NXPH1: variants seen among roughly 807,000 people sequenced by gnomAD.
NXPH1 encodes the protein neurexophilin-1.
A neutral mutation model predicts 23.7 loss-of-function variants in NXPH1; 5 were observed. That is an observed-to-expected ratio of 0.21 (90% CI 0.11 to 0.44). The LOEUF is 0.44. Ranked by LOEUF, NXPH1 falls within the 20% of genes least tolerant of loss-of-function variation. The pLI, the probability that NXPH1 is intolerant of heterozygous loss-of-function variation, is 0.99. For missense variants in NXPH1, 324 were observed against 321.6 expected (o/e 1.01, Z -0.06); for synonymous variants, 144 against 122.2 (o/e 1.18, Z -1.18).
chr7:8,453,346 C>G (rs1418470399), intron 2 of NXPH1, among the ~76,000 whole-genome samples: 3 of 152,164 alleles, frequency 2.0e-5, no homozygotes, highest in African/African-American at 7.2e-5. Flanking sequence ...AGACAAAAAA[C>G]CCACCCAAAC....
Position 8,751,998 on chromosome 7 carries a change from A to G in NXPH1, c.*229A>G. The G allele has an allele frequency of 2.0e-6, 1 of 503,944 alleles. No individual in the cohort carries two copies. The allele number at this position is 503,944 out of a possible 1,614,324, so 31.2% of individuals were successfully genotyped here. A position where few individuals can be genotyped will look rare whatever the true frequency, so the allele number is the denominator to read the frequency against. On this transcript the variant is annotated 3_prime_UTR_variant, in exon 3 of 3. Transcript: ENST00000405863. This position sits in a 1 kb window ranked among gnomAD's most constrained non-coding sequence, Gnocchi z 4.5. ...ATCACAGATTTTGAATTCACACCTG[A>G]AGACATGCTCTCACATATAGAGGTA... is the stretch of plus-strand genomic sequence containing the variant.
chr7:8,486,481 A>C (rs1488947647), intron 2 of NXPH1, among the ~76,000 whole-genome samples: 1 of 152,186 alleles, frequency 6.6e-6, no homozygotes, highest in Admixed American at 6.5e-5. Flanking sequence ...CTCAAAGGAT[A>C]CATTCTTCTT....
At chr7:8,524,372 T>C (rs898013881) in intron 2 of NXPH1, among the ~76,000 whole-genome samples, 1 of 152,072 alleles carries the variant, frequency 6.6e-6, no homozygotes, top group Non-Finnish European at 1.5e-5. Flanking sequence ...CCCCTTGAGA[T>C]GCTATGCTCT....
intron 2 of NXPH1, among the ~76,000 whole-genome samples, chr7:8,684,381 G>C (rs902918040): frequency 6.6e-6 from 1 of 152,142 alleles, no homozygotes; most frequent in Non-Finnish European, 1.5e-5. Flanking sequence ...GATGTGAAAG[G>C]TTAGGTTCAC....
At chr7:8,739,231 A>T (rs961369540) in intron 2 of NXPH1, among the ~76,000 whole-genome samples, 1 of 147,696 alleles carries the variant, frequency 6.8e-6, no homozygotes, top group African/African-American at 2.5e-5. Flanking sequence ...TTGTCTGCCC[A>T]AATGGCCACC....
At chr7:8,699,567 G>A (rs1185376746) in intron 2 of NXPH1, among the ~76,000 whole-genome samples, 1 of 152,210 alleles carries the variant, frequency 6.6e-6, no homozygotes, top group Non-Finnish European at 1.5e-5. Context: ...TATCACCAAA[G>A]CATTTTAATT....
At chr7:8,675,283 AC>A (rs1279827064) in intron 2 of NXPH1, among the ~76,000 whole-genome samples, 3 of 151,844 alleles carry the variant, frequency 2.0e-5, no homozygotes, top group Admixed American at 2.0e-4. Flanking sequence ...CTGTAATGTA[AC>A]ATCTGTTTAA....
At chr7:8,677,642 AAAAG>A (rs1562451712) in intron 2 of NXPH1, among the ~76,000 whole-genome samples, 1 of 152,152 alleles carries the variant, frequency 6.6e-6, no homozygotes, top group South Asian at 2.1e-4. Flanking sequence ...GTGAAATGAA[AAAAG>A]AAAGAAAGAA....
intron 2 of NXPH1, among the ~76,000 whole-genome samples, chr7:8,677,311 A>G (rs1053081328): frequency 6.6e-6 from 1 of 152,250 alleles, no homozygotes; most frequent in African/African-American, 2.4e-5. Context: ...TTCCTTAGAA[A>G]GTTAATGTTT....
chr7:8,677,340 G>A (rs1212773400), intron 2 of NXPH1, among the ~76,000 whole-genome samples: 1 of 152,162 alleles, frequency 6.6e-6, no homozygotes, highest in African/African-American at 2.4e-5. Flanking sequence ...TTCCATTTAA[G>A]TAGAAGGTTG....
At chr7:8,475,846 T>G (rs540520974) in intron 2 of NXPH1, among the ~76,000 whole-genome samples, 1 of 152,324 alleles carries the variant, frequency 6.6e-6, no homozygotes, top group South Asian at 2.1e-4. Context: ...TTTAGTCATA[T>G]TAAAAATGTT....
intron 2 of NXPH1, among the ~76,000 whole-genome samples, chr7:8,478,974 T>A (rs1254958635): frequency 1.3e-5 from 2 of 152,106 alleles, no homozygotes; most frequent in Non-Finnish European, 2.9e-5. Context: ...TTGAGAACTT[T>A]CTGAGAGATC....
At chr7:8,594,856 T>C (rs1436403219) in intron 2 of NXPH1, among the ~76,000 whole-genome samples, 1 of 151,966 alleles carries the variant, frequency 6.6e-6, no homozygotes, top group African/African-American at 2.4e-5. Context: ...GGCTCAGCCT[T>C]TTCATTAGAT....
intron 2 of NXPH1, among the ~76,000 whole-genome samples, chr7:8,536,357 T>C (rs1818025669): frequency 2.0e-5 from 3 of 152,056 alleles, no homozygotes. Flanking sequence ...AACATGGCTT[T>C]AGAACATTTC....
intron 2 of NXPH1, among the ~76,000 whole-genome samples, chr7:8,715,150 A>G (rs1779856602): frequency 6.6e-6 from 1 of 152,122 alleles, no homozygotes; most frequent in South Asian, 2.1e-4. Context: ...CCCTCTGGCT[A>G]TGGCTGGTCC....
At chr7:8,451,948 A>C (rs1045091163) in intron 2 of NXPH1, among the ~76,000 whole-genome samples, 1 of 152,356 alleles carries the variant, frequency 6.6e-6, no homozygotes, top group South Asian at 2.1e-4. Flanking sequence ...TGTCTCATGG[A>C]ACATAGCCCA....
intron 2 of NXPH1, among the ~76,000 whole-genome samples, chr7:8,524,432 G>C (rs989924855): frequency 1.3e-5 from 2 of 152,022 alleles, no homozygotes; most frequent in Non-Finnish European, 2.9e-5. Context: ...TGCAGGATCT[G>C]CTTCAGAGGT....
rs114501324 is a variant in NXPH1, at chr7:8,500,112, A to G, written c.54+64345A>G. ...AAATACTGCATCCAGGTATAAACTC[A>G]CACAGGCAGAAGTTTCCTCGCCATC... On this transcript the variant is annotated intron_variant, in intron 2 of 2. Coordinates refer to ENST00000405863, the MANE Select transcript of NXPH1 (RefSeq NM_152745.3). Among the ~76,000 whole-genome samples, 526 of 152,234 alleles carry G rather than the reference A, an allele frequency of 3.5e-3. 4 individuals carry two copies. The highest frequency in any genetic ancestry group is 0.012 in the African/African-American group (505 of 41,576).
intron 2 of NXPH1, among the ~76,000 whole-genome samples, chr7:8,704,764 T>A (rs1337382853): frequency 1.3e-5 from 2 of 151,344 alleles, no homozygotes; most frequent in Non-Finnish European, 2.9e-5. Context: ...AAAAAAAAGA[T>A]AAAATTGTAG....
Sources: gnomAD v4.1 joint callset for allele counts (sites outside exome capture counted in the v4.1 genomes callset) on GRCh38, gnomAD v4.1.1 for gene constraint, Gnocchi (gnomAD v3.1) non-coding constraint, MANE v1.5 for transcripts, NCBI Gene and HGNC (gene_info 2026-07-23, HGNC 2026-07-21) for gene names.